The following MYO5A variants were observed in gnomAD, a reference collection of about 807,000 sequenced individuals.
The protein encoded by MYO5A is myosin VA.
In MYO5A, 98 loss-of-function variants were observed where a neutral mutation model predicts 249.7. The ratio of observed to expected loss-of-function variants is 0.39; its 90% CI spans 0.33 to 0.46. The LOEUF is 0.46. Among genes scored for constraint, MYO5A ranks in the 20% least tolerant of loss-of-function variants. The probability of loss-of-function intolerance (pLI) is 0.98; values close to 1 mark genes in which losing one functional copy is unlikely to be tolerated. For synonymous variants in MYO5A, 778 were observed against 810.6 expected, an observed-to-expected ratio of 0.96 and a Z score of 0.68; for missense variants, 1,696 against 2,308.8, an observed-to-expected ratio of 0.73 and a Z score of 5.44.
intron 1 of MYO5A, among the ~76,000 whole-genome samples, chr15:52,451,843 A>C (rs2076026274): frequency 6.6e-6 from 1 of 152,190 alleles, no homozygotes; most frequent in South Asian, 2.1e-4. Context: ...CTCCACTGTT[A>C]CGTTTTCTCA....
At position 52,425,914 on chromosome 15, in the gene MYO5A, A is replaced by G. The variant is rs758468634; in HGVS notation, c.371T>C (p.Ile124Thr). Residue 124 changes from isoleucine to threonine, a missense_variant, in exon 4 of 42, where the codon ATT becomes ACT. Ile to Thr is a moderately conservative substitution (Grantham distance 89). Around this residue, in one of 5 missense-constraint regions of MYO5A, gnomAD observed 197 missense variants for 320.3 expected, o/e 0.62. Coordinates refer to ENST00000399233, the MANE Select transcript of MYO5A (RefSeq NM_001382347.1). Reference sequence around the variant, plus strand: ...CATGTTCTGACCACTGTATGCATTAATAATATCTTCTCCATAAATAGGCAG... The same window carrying G: ...CATGTTCTGACCACTGTATGCATTAGTAATATCTTCTCCATAAATAGGCAG... ...EQLPIYGEDI[I>T]NAYSGQNMGD... The G allele has an allele frequency of 3.7e-6, 6 of 1,613,226 alleles. No homozygotes were observed. The highest frequency in any genetic ancestry group is 4.2e-6 in the Non-Finnish European group (5 of 1,179,178).
intron 4 of MYO5A, among the ~76,000 whole-genome samples, chr15:52,423,711 G>A (rs1030510503): frequency 6.6e-6 from 1 of 151,976 alleles, no homozygotes; most frequent in Non-Finnish European, 1.5e-5. Flanking sequence ...ACTAATTGAG[G>A]CATATTTTAA....
At chr15:52,389,398 GGTAAA>G in intron 12 of MYO5A, 35 bp from the exon 13 acceptor site, 1 of 1,598,140 alleles carries the variant, frequency 6.3e-7, no homozygotes, top group Non-Finnish European at 8.6e-7. Context: ...AAGAAAACAA[GGTAAA>G]TACTGTGATT....
chr15:52,452,437 G>A (rs1444787323), intron 1 of MYO5A, among the ~76,000 whole-genome samples: 1 of 152,160 alleles, frequency 6.6e-6, no homozygotes, highest in Non-Finnish European at 1.5e-5. Flanking sequence ...CCCACAGGAA[G>A]TATCATGAGT....
At chr15:52,458,299 G>C (rs886137069) in intron 1 of MYO5A, among the ~76,000 whole-genome samples, 27 of 152,182 alleles carry the variant, frequency 1.8e-4, no homozygotes, top group African/African-American at 6.0e-4. Flanking sequence ...AATGTGGCCG[G>C]GCACAGTGGC....
rs1567012887 is a variant in MYO5A at position 52,317,140 on chromosome 15, T to C, written c.5317A>G (p.Ile1773Val). The change falls in exon 40 of 42, where the codon ATT becomes GTT. Residue 1773 changes from isoleucine to valine, a missense_variant. Transcript: ENST00000399233. ...SGAKETLEPL[I>V]QAAQLLQVKK... ...ACTTGCAAAAGTTGAGCAGCCTGAATGAGAGGTTCCAGGGTTTCTTTAGCC... is the reference window on the plus strand; with the variant it reads ...ACTTGCAAAAGTTGAGCAGCCTGAACGAGAGGTTCCAGGGTTTCTTTAGCC... The C allele has an allele frequency of 3.7e-6, 6 of 1,614,078 alleles. No homozygotes were observed. The highest frequency in any genetic ancestry group is 5.1e-6 in the Non-Finnish European group (6 of 1,179,920).
intron 1 of MYO5A, among the ~76,000 whole-genome samples, chr15:52,489,561 T>TAAA (rs757979547): frequency 3.0e-5 from 3 of 99,186 alleles, no homozygotes; most frequent in African/African-American, 3.7e-5. Context: ...AGACTTTGTC[T>TAAA]AAAAAAAAAA....
chr15:52,343,851 AATG>A (rs1399866583), intron 30 of MYO5A, among the ~76,000 whole-genome samples: 2 of 152,236 alleles, frequency 1.3e-5, no homozygotes, highest in Non-Finnish European at 2.9e-5. Flanking sequence ...TATAATTAGT[AATG>A]ATAATGTTAG....
At chr15:52,501,853 GACACAC>G (rs1165886659) in intron 1 of MYO5A, among the ~76,000 whole-genome samples, 2 of 134,632 alleles carry the variant, frequency 1.5e-5, no homozygotes, top group Non-Finnish European at 3.2e-5. Context: ...CATACACACA[GACACAC>G]ACACACATAC....
chr15:52,409,627 G>A (rs1203080989), intron 6 of MYO5A, among the ~76,000 whole-genome samples: 2 of 152,190 alleles, frequency 1.3e-5, no homozygotes, highest in Non-Finnish European at 2.9e-5. Context: ...CCTCAATGCA[G>A]TGGGCATGCA....
rs768973107 is a variant in MYO5A, at chr15:52,372,257, C to A, written c.2684G>T (p.Cys895Phe). The change falls in exon 21 of 42, where the codon TGC (cysteine) becomes TTC (phenylalanine). Residue 895 changes from cysteine to phenylalanine, a missense_variant. Cys to Phe is a radical substitution (Grantham distance 205). This residue lies in a region of MYO5A where 412 missense variants were observed against 453.3 expected (regional missense o/e 0.91). Transcript: ENST00000399233. ...SMHAIIYLQCCFRRMMAKREL... is the reference protein window; with the variant it reads ...SMHAIIYLQCFFRRMMAKREL... ...ACGCTTGGCCATCATCCGCCTGAAG[C>A]AGCACTGAAGGTAGATGATGGCATG... 2.5e-6 allele frequency: 4 copies of A among 1,612,588 alleles called. No homozygotes were observed. In the South Asian group the frequency reaches 3.3e-5, roughly 13 times the overall value.
intron 38 of MYO5A, 121 bp downstream of exon 38, chr15:52,321,238 A>G (rs1451965716): frequency 7.6e-7 from 1 of 1,320,182 alleles, no homozygotes; most frequent in Non-Finnish European, 1.1e-6. Context: ...TTAGCCCTGT[A>G]TCTTACTACT....
intron 24 of MYO5A, among the ~76,000 whole-genome samples, chr15:52,361,811 T>C (rs1216918080): frequency 6.6e-6 from 1 of 152,200 alleles, no homozygotes; most frequent in African/African-American, 2.4e-5. Flanking sequence ...GGATATATAT[T>C]TGACTGGATC....
rs560440332 is a variant in MYO5A at position 52,342,911 on chromosome 15, G to A, written c.4040+206C>T. On this transcript the variant is annotated intron_variant, in intron 31 of 41. Transcript: ENST00000399233. Reference sequence around the variant, plus strand: ...AGCCTAGGCAACAGAGTGAGACTCCGTCTAAAAAAGAAAAAAAAAAAAGGT... The same window carrying A: ...AGCCTAGGCAACAGAGTGAGACTCCATCTAAAAAAGAAAAAAAAAAAAGGT... Among the ~76,000 whole-genome samples, 59 of 150,180 alleles carry A rather than the reference G, an allele frequency of 3.9e-4. 2 individuals are homozygous for A. In the South Asian group the frequency reaches 9.6e-3, roughly 25 times the overall value.
chr15:52,449,726 A>G (rs2075974573), intron 1 of MYO5A, among the ~76,000 whole-genome samples: 1 of 152,156 alleles, frequency 6.6e-6, no homozygotes, highest in Non-Finnish European at 1.5e-5. Flanking sequence ...CTTGCTAGGC[A>G]CAGTAGCTCA....
At position 52,354,012 on chromosome 15, in the gene MYO5A, T is replaced by C; in HGVS notation, c.3426A>G (p.Glu1142=). ...EMEDIPSRTE[E]PSEKKVPLDM... is the part of the protein sequence containing the mutation. ...CCAGAGGTACCTTCTTCTCACTTGG[T>C]TCCTAAACCCCAGGAATCACAAAGA... Residue 1142 remains glutamate, a splice_region_variant and synonymous_variant, in exon 26 of 42, where the codon GAA becomes GAG. Transcript: ENST00000399233. 1 of 1,614,190 alleles carries C rather than the reference T, an allele frequency of 6.2e-7. No homozygotes were observed. Among genetic ancestry groups the C allele is most frequent in the African/African-American group, 1.3e-5 (1 of 75,054 alleles).
chr15:52,449,011 C>A (rs1400039042), intron 1 of MYO5A, among the ~76,000 whole-genome samples: 1 of 127,772 alleles, frequency 7.8e-6, no homozygotes, highest in Non-Finnish European at 1.6e-5. Flanking sequence ...CTCTGTTGCC[C>A]AGGCTGGAGT....
At chr15:52,331,781 C>G in intron 34 of MYO5A, 1 of 985,404 alleles carries the variant, frequency 1.0e-6, no homozygotes, top group South Asian at 4.7e-5. Flanking sequence ...CTGGGACTAT[C>G]AGCGCTGAAA....
At chr15:52,524,126 T>C (rs1444036449) in intron 1 of MYO5A, among the ~76,000 whole-genome samples, 1 of 152,238 alleles carries the variant, frequency 6.6e-6, no homozygotes, top group Non-Finnish European at 1.5e-5. Context: ...GCTTTGCAAA[T>C]GTGGAATTTT....
Sources: allele counts gnomAD v4.1 joint callset (sites outside exome capture counted in the v4.1 genomes callset), GRCh38; gene constraint gnomAD v4.1.1; regional missense constraint gnomAD v4.1.1; transcripts MANE v1.5; gene names NCBI Gene and HGNC (gene_info 2026-07-23, HGNC 2026-07-21).